The following HERC2 variants were observed in gnomAD, a reference collection of about 807,000 sequenced individuals.
HERC2 encodes the protein HECT and RLD domain containing E3 ubiquitin protein ligase 2.
In HERC2, 102 loss-of-function variants were observed where a neutral mutation model predicts 537.7. The observed-to-expected ratio is 0.19, with a 90% confidence interval of 0.16 to 0.22. The LOEUF (loss-of-function observed/expected upper bound fraction) is 0.22. Ranked by LOEUF, HERC2 falls within the 10% of genes least tolerant of loss-of-function variation. The probability of loss-of-function intolerance (pLI) is 1.00; values close to 1 mark genes in which losing one functional copy is unlikely to be tolerated. For synonymous variants in HERC2, 2,224 were observed against 2,466.2 expected, an observed-to-expected ratio of 0.90 and a Z score of 2.91; for missense variants, 4,236 against 6,198.2, an observed-to-expected ratio of 0.68 and a Z score of 10.63.
chr15:28,298,005 TTGTGTGTGTGTGTGTG>T (rs373425948), intron 3 of HERC2, among the ~76,000 whole-genome samples: 1 of 130,550 alleles, frequency 7.7e-6, no homozygotes, highest in Non-Finnish European at 1.6e-5. Context: ...CTGTCAGTTA[TTGTGTGTGTGTGTGTG>T]TGTGTGTGTG....
chr15:28,165,475 G>A (rs769951453), intron 68 of HERC2, among the ~76,000 whole-genome samples: 1 of 152,072 alleles, frequency 6.6e-6, no homozygotes, highest in African/African-American at 2.4e-5. Context: ...GGTTTTCCAT[G>A]TACGTAAATA....
chr15:28,208,068 C>T (rs1258367971), intron 44 of HERC2, among the ~76,000 whole-genome samples: 2 of 152,194 alleles, frequency 1.3e-5, no homozygotes, highest in African/African-American at 2.4e-5. Context: ...ATCCAATTCC[C>T]AGGCTCCAAT....
intron 69 of HERC2, among the ~76,000 whole-genome samples, chr15:28,154,644 G>C (rs1892797657): frequency 6.6e-6 from 1 of 152,176 alleles, no homozygotes; most frequent in African/African-American, 2.4e-5. Context: ...AGCAAAGTGA[G>C]TGTCCTCAAG....
intron 44 of HERC2, among the ~76,000 whole-genome samples, chr15:28,209,345 A>T (rs933474620): frequency 6.6e-5 from 10 of 151,634 alleles, no homozygotes; most frequent in Non-Finnish European, 1.2e-4. Context: ...TTTTATTTTT[A>T]TTTATTTATT....
At chr15:28,159,200 T>G (rs1306410531) in intron 69 of HERC2, among the ~76,000 whole-genome samples, 1 of 152,204 alleles carries the variant, frequency 6.6e-6, no homozygotes, top group Admixed American at 6.5e-5. Flanking sequence ...TTGGTGAATC[T>G]GACAATTATG....
At chr15:28,304,262 A>T (rs2076718097) in intron 2 of HERC2, among the ~76,000 whole-genome samples, 1 of 151,438 alleles carries the variant, frequency 6.6e-6, no homozygotes, top group East Asian at 1.9e-4. Context: ...ATCAGTTCTA[A>T]TCATTTTTTG....
At chr15:28,140,877 C>T (rs1891148844) in intron 78 of HERC2, among the ~76,000 whole-genome samples, 1 of 151,926 alleles carries the variant, frequency 6.6e-6, no homozygotes, top group African/African-American at 2.4e-5. Context: ...AGAAATACAT[C>T]TAACGAGTGA....
intron 2 of HERC2, among the ~76,000 whole-genome samples, chr15:28,316,242 A>C (rs865829376): frequency 2.8e-5 from 4 of 142,610 alleles, no homozygotes; most frequent in African/African-American, 1.2e-4. Flanking sequence ...AAAAAAAAAA[A>C]AAAAAGGAAT....
intron 83 of HERC2, among the ~76,000 whole-genome samples, chr15:28,126,228 C>T (rs1889468172): frequency 6.6e-6 from 1 of 152,158 alleles, no homozygotes; most frequent in Admixed American, 6.5e-5. Flanking sequence ...TTGAGATTTT[C>T]CCCCACTAGA....
chr15:28,294,904 C>T (rs2076419924), intron 3 of HERC2, among the ~76,000 whole-genome samples: 1 of 152,002 alleles, frequency 6.6e-6, no homozygotes, highest in African/African-American at 2.4e-5. Flanking sequence ...ATAAACAGAA[C>T]TTTAATCAAC....
In HERC2 at chr15:28,265,571, A is replaced by G. The variant is rs2075540611; in HGVS notation, c.1870+47T>C. 2 of 1,494,840 alleles carry G rather than the reference A, an allele frequency of 1.3e-6. No homozygotes were observed. The highest frequency in any genetic ancestry group is 3.4e-5 in the Admixed American group (2 of 59,650). The allele number at this position is 1,494,840 out of a possible 1,614,324, so 92.6% of individuals were successfully genotyped here. A position where few individuals can be genotyped will look rare whatever the true frequency, so the allele number is the denominator to read the frequency against. Reference sequence around the variant, plus strand: ...TCTCACTTCCTCCAGGGAAGCTGCCATGCGTGTCCTCGTGGGCCTGTCCAG... The same window carrying G: ...TCTCACTTCCTCCAGGGAAGCTGCCGTGCGTGTCCTCGTGGGCCTGTCCAG... On this transcript the variant is annotated intron_variant, in intron 14 of 92. Coordinates refer to ENST00000261609, the MANE Select transcript of HERC2 (RefSeq NM_004667.6). This position sits in a 1 kb window ranked among gnomAD's most constrained non-coding sequence, Gnocchi z 4.0.
At chr15:28,146,017 G>A (rs1292232355) in intron 71 of HERC2, among the ~76,000 whole-genome samples, 2 of 152,218 alleles carry the variant, frequency 1.3e-5, no homozygotes, top group Admixed American at 6.5e-5. Context: ...GGGCCCATCC[G>A]ACAGGGATGT....
chr15:28,173,504 C>T (rs76309464), intron 65 of HERC2, among the ~76,000 whole-genome samples: 4 of 151,974 alleles, frequency 2.6e-5, no homozygotes, highest in Admixed American at 2.6e-4. Context: ...GTAAGCTGTA[C>T]AACATGCAAA....
chr15:28,114,318 G>A lies in HERC2; in HGVS notation c.13913+294C>T, dbSNP rs557227264. On this transcript the variant is annotated intron_variant, in intron 90 of 92. Coordinates refer to ENST00000261609, the MANE Select transcript of HERC2 (RefSeq NM_004667.6). ...CAGCCCCAGACACAGCCCTGTCCCA[G>A]GGAAGCCAACAAAGAAAGCACACAG... 1.1e-4 allele frequency among the ~76,000 whole-genome samples: 17 copies of A among 152,328 alleles called. 1 individual carries two copies. The East Asian group carries it at 3.3e-3, about 29-fold the overall frequency.
In HERC2 at chr15:28,117,062, A is replaced by G. The variant is rs1258397924; in HGVS notation, c.13365T>C (p.Gly4455=). 1.9e-6 allele frequency: 3 copies of G among 1,614,142 alleles called. No individual in the cohort carries two copies. The highest frequency in any genetic ancestry group is 1.7e-6 in the Non-Finnish European group (2 of 1,180,012). The change falls in exon 87 of 93, where the codon GGT becomes GGC. Residue 4455 remains glycine (G), a synonymous_variant. Coordinates refer to ENST00000261609, the MANE Select transcript of HERC2 (RefSeq NM_004667.6). The part of the protein sequence containing the change: ...GQMCAKMSSF[G]PDSLLLPHRV... ...GGTGAGGAAGGAGGAGGCTGTCGGG[A>G]CCAAACGAGCTCATCTTAGCACACA...
At chr15:28,284,157 G>A (rs544610100) in intron 4 of HERC2, among the ~76,000 whole-genome samples, 1 of 151,878 alleles carries the variant, frequency 6.6e-6, no homozygotes, top group Non-Finnish European at 1.5e-5. Flanking sequence ...TTCAAATTTT[G>A]GGGCATTTCA....
At position 28,269,276 on chromosome 15, in the gene HERC2, T is replaced by C. The variant is rs1345296552; in HGVS notation, c.1418A>G (p.Tyr473Cys). 6.2e-7 allele frequency: 1 copy of C among 1,613,954 alleles called. No individual in the cohort carries two copies. The highest frequency in any genetic ancestry group is 8.5e-7 in the Non-Finnish European group (1 of 1,179,902). ...CGTGTCACTATTATAGGCCTGTGTG[T>C]ACACGCGGCCATTGCGTGACAGAAT... ...FLILSRNGRV[Y>C]TQAYNSDTLA... is the part of the protein sequence containing the mutation. The change falls in exon 11 of 93, where the codon TAC (tyrosine) becomes TGC (cysteine). Residue 473 changes from tyrosine (Y) to cysteine (C), a missense_variant. Coordinates refer to ENST00000261609, the MANE Select transcript of HERC2 (RefSeq NM_004667.6).
At position 28,266,772 on chromosome 15, in the gene HERC2, G is replaced by A. The variant is rs181902578; in HGVS notation, c.1599-798C>T. Reference sequence around the variant, plus strand: ...TTGTCAGGAACTGGAGGTAGGAAGGGGGCATCAACTCAAAGGGTACAAAGA... The same window carrying A: ...TTGTCAGGAACTGGAGGTAGGAAGGAGGCATCAACTCAAAGGGTACAAAGA... On this transcript the variant is annotated intron_variant, in intron 12 of 92. Coordinates refer to ENST00000261609, the MANE Select transcript of HERC2 (RefSeq NM_004667.6). 5.0e-4 allele frequency among the ~76,000 whole-genome samples: 76 copies of A among 152,236 alleles called. No individual in the cohort carries two copies. The East Asian group carries it at 0.01, about 21-fold the overall frequency.
intron 45 of HERC2, among the ~76,000 whole-genome samples, chr15:28,204,582 T>C (rs1312816792): frequency 2.1e-5 from 3 of 143,866 alleles, no homozygotes; most frequent in Non-Finnish European, 4.5e-5. Flanking sequence ...ATCACGCCAC[T>C]GCACTCCAGC....
Sources: allele counts gnomAD v4.1 joint callset (sites outside exome capture counted in the v4.1 genomes callset), GRCh38; gene constraint gnomAD v4.1.1; non-coding constraint Gnocchi (gnomAD v3.1); transcripts MANE v1.5; gene names NCBI Gene and HGNC (gene_info 2026-07-23, HGNC 2026-07-21).